Variants in TMC3 observed in about 807,000 individuals in gnomAD.
The protein encoded by TMC3 is transmembrane channel like 3, also known as transmembrane channel-like protein 3.
A neutral mutation model predicts 110.6 loss-of-function variants in TMC3; 98 were observed. The observed-to-expected ratio is 0.89, with a 90% confidence interval of 0.75 to 1.05. The LOEUF is 1.05. Among genes scored for constraint, TMC3 ranks in the 50% least tolerant of loss-of-function variants. The pLI, the probability that TMC3 is intolerant of heterozygous loss-of-function variation, is 0.00. For missense variants in TMC3, 1,319 were observed against 1,373.2 expected (o/e 0.96, Z 0.62); for synonymous variants, 489 against 513.1 (o/e 0.95, Z 0.63).
intron 16 of TMC3, 137 bp downstream of exon 16, chr15:81,341,251 CAA>C: frequency 1.3e-5 from 11 of 865,158 alleles, no homozygotes; most frequent in Non-Finnish European, 1.6e-5. Context: ...TTGGAGGAGA[CAA>C]AATTGGAGGA....
At chr15:81,372,868 T>TGA in intron 1 of TMC3, 131 bp from the exon 2 acceptor site, 1 of 810,610 alleles carries the variant, frequency 1.2e-6, no homozygotes, top group Non-Finnish European at 1.9e-6. Flanking sequence ...TATGTGTTTG[T>TGA]GCGTGTGTGT....
In TMC3 at chr15:81,334,977, T is replaced by C; in HGVS notation, c.2204-2A>G. 4 of 1,613,198 alleles carry C rather than the reference T, an allele frequency of 2.5e-6. No individual in the cohort carries two copies. Among genetic ancestry groups the C allele is most frequent in the Non-Finnish European group, 3.4e-6 (4 of 1,179,168 alleles). The stretch of plus-strand genomic sequence containing the variant: ...TTTCTTCCTGGGTCTGGATTCGGGC[T>C]GCAGGGAGAGGGAGGTGTTGTGAGA... On this transcript the variant is annotated splice_acceptor_variant, in intron 20 of 21. Transcript: ENST00000359440. LOFTEE classifies it high-confidence loss of function.
At chr15:81,344,140 G>A (rs1893775343) in intron 13 of TMC3, 95 bp from the exon 14 acceptor site, 6 of 1,404,304 alleles carry the variant, frequency 4.3e-6, no homozygotes, top group Non-Finnish European at 5.7e-6. Context: ...CATTCTTGTG[G>A]GCCCCAGCCA....
intron 2 of TMC3, among the ~76,000 whole-genome samples, chr15:81,369,243 AAC>A (rs1894382950): frequency 1.3e-5 from 2 of 152,142 alleles, no homozygotes; most frequent in Admixed American, 1.3e-4. Flanking sequence ...TTCCTTGGAA[AAC>A]ACAAGGTACA....
chr15:81,345,815 T>C (rs1480685907), intron 12 of TMC3, among the ~76,000 whole-genome samples: 2 of 151,698 alleles, frequency 1.3e-5, no homozygotes, highest in Non-Finnish European at 1.5e-5. Flanking sequence ...AGGTTGAGGC[T>C]GCAGTGAGCA....
chr15:81,338,952 ATG>A (rs917648818), intron 17 of TMC3, among the ~76,000 whole-genome samples, 172 bp from the exon 18 acceptor site: 8 of 152,264 alleles, frequency 5.3e-5, no homozygotes, highest in Non-Finnish European at 8.8e-5. Context: ...CATTGCATGT[ATG>A]TGTGTGTTCT....
chr15:81,372,876 T>C (rs1323551181), intron 1 of TMC3, 139 bp from the exon 2 acceptor site: 7 of 665,444 alleles, frequency 1.1e-5, no homozygotes, highest in East Asian at 5.6e-5. Flanking sequence ...TGTGCGTGTG[T>C]GTGTGTGTGT....
chr15:81,374,113 C>G lies in TMC3; in HGVS notation c.-36G>C, dbSNP rs1311228369. On this transcript the variant is annotated 5_prime_UTR_variant, in exon 1 of 22. Transcript: ENST00000359440. The stretch of plus-strand genomic sequence containing the variant: ...CCACTGCTAACAATCAGAAGCTGGC[C>G]AGAGAGCTAGGAAGTTGGCAGGCAA... 7 of 1,597,686 alleles carry G rather than the reference C, an allele frequency of 4.4e-6. No homozygotes were observed. Among genetic ancestry groups the G allele is most frequent in the East Asian group, 2.2e-5 (1 of 44,676 alleles).
chr15:81,348,202 G>C (rs1893866470), intron 11 of TMC3, among the ~76,000 whole-genome samples: 1 of 152,216 alleles, frequency 6.6e-6, no homozygotes. Context: ...CTTTTTGGGA[G>C]ATGTTTGCCA....
chr15:81,364,707 A>AAT (rs201513825), intron 3 of TMC3, among the ~76,000 whole-genome samples: 10,139 of 135,010 alleles, frequency 0.075, 378 homozygotes, highest in African/African-American at 0.1. Flanking sequence ...TTCCAAAAAA[A>AAT]AAAAAATAAA....
Position 81,333,041 on chromosome 15 carries a change from T to A in TMC3, c.2681A>T (p.Asp894Val), listed in dbSNP as rs1482535612. The change falls in exon 22 of 22, where the codon GAC (aspartate) becomes GTC (valine). Residue 894 changes from aspartate (D) to valine (V), a missense_variant. Asp to Val is a radical substitution (Grantham distance 152). Transcript: ENST00000359440. ...ATTTAGATGTTTTTTCTTGTAAGAG[T>A]CACATTCATTAATGACATAGTATCT... ...APRYYVINECDSYKKKHLNVW... is the reference protein window; with the variant it reads ...APRYYVINECVSYKKKHLNVW... 1 of 1,613,896 alleles carries A rather than the reference T, an allele frequency of 6.2e-7. No homozygotes were observed. Among genetic ancestry groups the A allele is most frequent in the Non-Finnish European group, 8.5e-7 (1 of 1,179,874 alleles).
chr15:81,358,946 T>C (rs1284905964), intron 5 of TMC3, among the ~76,000 whole-genome samples: 2 of 152,234 alleles, frequency 1.3e-5, no homozygotes, highest in Admixed American at 1.3e-4. Context: ...AACTTTGGGC[T>C]GGCAAACTGG....
chr15:81,342,379 C>T (rs1596081550), intron 15 of TMC3, among the ~76,000 whole-genome samples: 1 of 152,180 alleles, frequency 6.6e-6, no homozygotes, highest in East Asian at 1.9e-4. Flanking sequence ...CACTAAGCTT[C>T]TCTGCACTTC....
At chr15:81,366,634 C>T (rs1226257561) in intron 3 of TMC3, among the ~76,000 whole-genome samples, 2 of 152,058 alleles carry the variant, frequency 1.3e-5, no homozygotes, top group African/African-American at 4.8e-5. Context: ...AACAAAAGAG[C>T]TTGGTAGTTC....
Position 81,333,506 on chromosome 15 carries a change from G to C in TMC3, c.2460-244C>G, listed in dbSNP as rs796445949. Among the ~76,000 whole-genome samples, 6 of 152,322 alleles carry C rather than the reference G, an allele frequency of 3.9e-5. No homozygotes were observed. In the Middle Eastern group the frequency reaches 0.01, roughly 259 times the overall value. On this transcript the variant is annotated intron_variant, in intron 21 of 21. Coordinates refer to ENST00000359440, the MANE Select transcript of TMC3 (RefSeq NM_001080532.3). Reference sequence around the variant, plus strand: ...TGAGTCTCCATGAAGACTGCAGAGCGAGGGGTGTTATGCTAGTGTATTTCC... The same window carrying C: ...TGAGTCTCCATGAAGACTGCAGAGCCAGGGGTGTTATGCTAGTGTATTTCC...
At chr15:81,338,000 T>C (rs578262638) in intron 18 of TMC3, 76 bp from the exon 19 acceptor site, 4 of 1,203,042 alleles carry the variant, frequency 3.3e-6, no homozygotes, top group African/African-American at 3.0e-5. Flanking sequence ...TCCCTGCAGA[T>C]AGTTGGCAGG....
At position 81,373,916 on chromosome 15, in the gene TMC3, G is replaced by A. The variant is rs1262879670; in HGVS notation, c.89+73C>T. ...GAGCAGGACAGGGACTTTGTCCCTC[G>A]CTCTGGTGACCCATGCATTCCTTCC... On this transcript the variant is annotated intron_variant, in intron 1 of 21. Coordinates refer to ENST00000359440, the MANE Select transcript of TMC3 (RefSeq NM_001080532.3). 10 of 1,380,074 alleles carry A rather than the reference G, an allele frequency of 7.2e-6. No homozygotes were observed. The Admixed American group carries it at 9.4e-5, about 13-fold the overall frequency. The allele number at this position is 1,380,074 out of a possible 1,614,324, so 85.5% of individuals were successfully genotyped here. A position where few individuals can be genotyped will look rare whatever the true frequency, so the allele number is the denominator to read the frequency against.
In TMC3 at chr15:81,331,240, A is replaced by G. The variant is rs1358817432; in HGVS notation, c.*1179T>C. 1 of 152,264 alleles carries G rather than the reference A, an allele frequency of 6.6e-6. No homozygotes were observed. Among genetic ancestry groups the G allele is most frequent in the Non-Finnish European group, 1.5e-5 (1 of 68,048 alleles). 9.4% of individuals were successfully genotyped at this position (152,264 alleles called of 1,614,324 possible). ...GGCAGGAAGCGTACTTACAGAAGCGAGAGCAAAGGCAGTTGTTCAGTCTTT... is the reference window on the plus strand; with the variant it reads ...GGCAGGAAGCGTACTTACAGAAGCGGGAGCAAAGGCAGTTGTTCAGTCTTT... On this transcript the variant is annotated 3_prime_UTR_variant, in exon 22 of 22. Transcript: ENST00000359440.
At chr15:81,348,517 T>C (rs1382602104) in intron 11 of TMC3, among the ~76,000 whole-genome samples, 2 of 152,334 alleles carry the variant, frequency 1.3e-5, no homozygotes, top group South Asian at 2.1e-4. Flanking sequence ...CTGACTCCCA[T>C]AGAAGGTGTC....
Sources: allele counts gnomAD v4.1 joint callset (sites outside exome capture counted in the v4.1 genomes callset), GRCh38; gene constraint gnomAD v4.1.1; transcripts MANE v1.5; gene names NCBI Gene and HGNC (gene_info 2026-07-23, HGNC 2026-07-21).